Variants in RAPGEF1 observed in about 807,000 individuals in gnomAD.
The protein encoded by RAPGEF1 is CRK SH3-binding GNRP.
RAPGEF1 carries 33 observed loss-of-function variants against 143.3 expected under a neutral mutation model. That is an observed-to-expected ratio of 0.23 (90% CI 0.17 to 0.31). The LOEUF is 0.31. RAPGEF1 is among the 10% of genes least tolerant of loss of function. RAPGEF1 has a pLI of 1.00. For missense variants in RAPGEF1, 1,199 were observed against 1,645.4 expected (o/e 0.73, Z 4.69); for synonymous variants, 629 against 676.5 (o/e 0.93, Z 1.09).
intron 12 of RAPGEF1, among the ~76,000 whole-genome samples, chr9:131,618,837 C>T (rs1322586783): frequency 1.3e-5 from 2 of 152,200 alleles, no homozygotes; most frequent in African/African-American, 4.8e-5. Flanking sequence ...GGTGGCCACT[C>T]ACATTTCCCA....
chr9:131,610,548 C>T (rs556626442), intron 12 of RAPGEF1, among the ~76,000 whole-genome samples: 1 of 152,326 alleles, frequency 6.6e-6, no homozygotes, highest in East Asian at 1.9e-4. Flanking sequence ...TTGGATGCTA[C>T]TTAGCAAAAC....
intron 22 of RAPGEF1, among the ~76,000 whole-genome samples, chr9:131,587,160 C>A (rs1953220851): frequency 1.1e-5 from 1 of 90,716 alleles, no homozygotes; most frequent in African/African-American, 5.3e-5. Flanking sequence ...ACACACACAC[C>A]TGCAGAGCGA....
chr9:131,640,853 G>A (rs530911891), intron 4 of RAPGEF1, among the ~76,000 whole-genome samples: 2 of 152,256 alleles, frequency 1.3e-5, no homozygotes, highest in Non-Finnish European at 2.9e-5. Context: ...GAGCATCTGA[G>A]GAGGTATTTC....
At chr9:131,709,654 G>C in intron 1 of RAPGEF1, 1 of 1,613,984 alleles carries the variant, frequency 6.2e-7, no homozygotes, top group Non-Finnish European at 8.5e-7. Flanking sequence ...TTCGTTTCAA[G>C]GGCTTCTGTT....
chr9:131,596,360 G>A lies in RAPGEF1; in HGVS notation c.2627C>T (p.Pro876Leu), dbSNP rs1208472926. 1.4e-5 allele frequency: 22 copies of A among 1,613,850 alleles called. No individual in the cohort carries two copies. The Admixed American group carries it at 1.8e-4, about 13-fold the overall frequency. ...GTCCCCAGATCCTCCGCGGACGTCC[G>A]GCCCGTCATCACCCTGTAATGAACA... ...LTLKQEGDDG[P>L]DVRGGSGDIL... is the part of the protein sequence containing the mutation. The change falls in exon 17 of 27, where the codon CCG (proline) becomes CTG (leucine). Residue 876 changes from proline to leucine, a missense_variant. Transcript: ENST00000683357.
In RAPGEF1 at chr9:131,617,249, C is replaced by T. The variant is rs141398782; in HGVS notation, c.2061+1802G>A. Among the ~76,000 whole-genome samples, 13 of 152,338 alleles carry T rather than the reference C, an allele frequency of 8.5e-5. No homozygotes were observed. The East Asian group carries it at 1.5e-3, about 18-fold the overall frequency. Reference sequence around the variant, plus strand: ...CTCGGATTGTCTAAAGGCCAAGTTTCGCAAGATTTGTGAAAGGAGCTTGCC... The same window carrying T: ...CTCGGATTGTCTAAAGGCCAAGTTTTGCAAGATTTGTGAAAGGAGCTTGCC... On this transcript the variant is annotated intron_variant, in intron 12 of 26. Coordinates refer to ENST00000683357, the MANE Select transcript of RAPGEF1 (RefSeq NM_001377935.1).
At chr9:131,684,906 T>A (rs1415584282) in intron 1 of RAPGEF1, among the ~76,000 whole-genome samples, 2 of 152,092 alleles carry the variant, frequency 1.3e-5, no homozygotes, top group East Asian at 3.9e-4. Flanking sequence ...GGACCCCAAC[T>A]GTCATGAGCA....
intron 12 of RAPGEF1, among the ~76,000 whole-genome samples, chr9:131,614,477 G>C (rs943847): frequency 2.2e-4 from 34 of 152,152 alleles, no homozygotes; most frequent in Non-Finnish European, 4.3e-4. Flanking sequence ...AGTGTGCCCA[G>C]GGTTTCTGTG....
intron 1 of RAPGEF1, among the ~76,000 whole-genome samples, chr9:131,669,625 C>T (rs2130746426): frequency 6.6e-6 from 1 of 152,262 alleles, no homozygotes; most frequent in Middle Eastern, 3.4e-3. Context: ...CCTCCCTCAG[C>T]CCTTTCTCCT....
chr9:131,625,339 G>A (rs758283812), intron 10 of RAPGEF1, among the ~76,000 whole-genome samples: 16 of 152,268 alleles, frequency 1.1e-4, no homozygotes, highest in South Asian at 2.1e-4. Context: ...CAGATTTACC[G>A]TTGGAAAATA....
chr9:131,586,646 TCAAA>T (rs1383614918), intron 22 of RAPGEF1, among the ~76,000 whole-genome samples: 3 of 96,212 alleles, frequency 3.1e-5, no homozygotes, highest in Non-Finnish European at 5.8e-5. Flanking sequence ...AGACTCCGTC[TCAAA>T]CACACACACA....
intron 1 of RAPGEF1, among the ~76,000 whole-genome samples, chr9:131,703,808 C>G (rs1233321591): frequency 6.6e-6 from 1 of 152,182 alleles, no homozygotes; most frequent in African/African-American, 2.4e-5. Context: ...CATTGATGCA[C>G]AGCCTGCAAA....
chr9:131,650,055 A>G lies in RAPGEF1; in HGVS notation c.315+74T>C. The G allele has an allele frequency of 7.9e-7, 1 of 1,267,978 alleles. No individual in the cohort carries two copies. The highest frequency in any genetic ancestry group is 2.2e-5 in the Admixed American group (1 of 44,652). 78.5% of individuals were successfully genotyped at this position (1,267,978 alleles called of 1,614,324 possible). ...ATAATAGTGCAATAGAGTTTTTTCC[A>G]TCCCCAAAACCATGGACCAGGATTC... On this transcript the variant is annotated intron_variant, in intron 3 of 26. Coordinates refer to ENST00000683357, the MANE Select transcript of RAPGEF1 (RefSeq NM_001377935.1). This position sits in a 1 kb window ranked among gnomAD's most constrained non-coding sequence, Gnocchi z 4.7.
intron 22 of RAPGEF1, among the ~76,000 whole-genome samples, chr9:131,585,823 G>A (rs1481181817): frequency 6.6e-6 from 1 of 152,084 alleles, no homozygotes; most frequent in Admixed American, 6.6e-5. Flanking sequence ...GGGCTTTGTC[G>A]CCTCTTGAAG....
intron 12 of RAPGEF1, among the ~76,000 whole-genome samples, chr9:131,607,267 CCTT>C (rs1180983776): frequency 6.6e-6 from 1 of 152,246 alleles, no homozygotes; most frequent in African/African-American, 2.4e-5. Flanking sequence ...CCCTTCATAT[CCTT>C]CTTTCAGGAG....
chr9:131,636,687 G>A (rs1966449283), intron 5 of RAPGEF1, among the ~76,000 whole-genome samples: 1 of 152,192 alleles, frequency 6.6e-6, no homozygotes, highest in South Asian at 2.1e-4. Flanking sequence ...ATTTTCAGAA[G>A]CCTAGACAGG....
intron 1 of RAPGEF1, among the ~76,000 whole-genome samples, chr9:131,735,218 G>C (rs7852085): frequency 0.15 from 23,580 of 152,204 alleles, 2,895 homozygotes; most frequent in African/African-American, 0.33. Flanking sequence ...AGGGAAGAAA[G>C]GAATGAGTGA....
At chr9:131,702,980 T>A (rs540768250) in intron 1 of RAPGEF1, among the ~76,000 whole-genome samples, 296 of 152,300 alleles carry the variant, frequency 1.9e-3, no homozygotes, top group Non-Finnish European at 2.8e-3. Context: ...AAAAGAATAA[T>A]GGCACTGACT....
At chr9:131,586,525 A>AC (rs1952898226) in intron 22 of RAPGEF1, among the ~76,000 whole-genome samples, 3 of 5,902 alleles carry the variant, frequency 5.1e-4, no homozygotes, top group African/African-American at 1.4e-3. Context: ...GACTCCGTCA[A>AC]ACACACACAC....
Sources: allele counts gnomAD v4.1 joint callset (sites outside exome capture counted in the v4.1 genomes callset), GRCh38; gene constraint gnomAD v4.1.1; non-coding constraint Gnocchi (gnomAD v3.1); transcripts MANE v1.5; gene names NCBI Gene and HGNC (gene_info 2026-07-23, HGNC 2026-07-21).